Variants in SCFD2 observed in about 807,000 individuals in gnomAD.
The protein encoded by SCFD2 is sec1 family domain containing 2.
Under a neutral mutation model 58.9 loss-of-function variants are expected in SCFD2, and 54 were observed. The observed-to-expected ratio is 0.92, with a 90% CI of 0.74 to 1.15. The LOEUF (loss-of-function observed/expected upper bound fraction) is 1.15. Among genes scored for constraint, SCFD2 ranks in the 50% most tolerant of loss-of-function variants. The pLI is 0.00. For synonymous variants in SCFD2, 321 were observed against 335.9 expected (o/e 0.96, Z 0.49); for missense variants, 805 against 836.6 (o/e 0.96, Z 0.47).
chr4:53,177,694 C>T (rs1345674846), intron 4 of SCFD2, among the ~76,000 whole-genome samples: 6 of 152,086 alleles, frequency 3.9e-5, no homozygotes, highest in Non-Finnish European at 5.9e-5. Context: ...GCACCGTGTG[C>T]GAGCCAAGGC....
intron 4 of SCFD2, among the ~76,000 whole-genome samples, chr4:53,155,989 C>G (rs754817878): frequency 1.3e-5 from 2 of 152,134 alleles, no homozygotes; most frequent in Non-Finnish European, 2.9e-5. Flanking sequence ...ATAAAGGCAG[C>G]GGCTCCAAAC....
At chr4:52,953,574 TG>T (rs1364123761) in intron 5 of SCFD2, among the ~76,000 whole-genome samples, 1 of 152,202 alleles carries the variant, frequency 6.6e-6, no homozygotes, top group East Asian at 1.9e-4. Context: ...AGCAGCGCCC[TG>T]TGAATTCAGT....
rs79857719 is a variant in SCFD2, at chr4:52,914,500, A to G, written c.1707+6225T>C. ...AGCTGCGTGGACTGCTTCAAGCTTC[A>G]TGGATGGTCATAGGGACTACTCCAA... On this transcript the variant is annotated intron_variant, in intron 6 of 8. Coordinates refer to ENST00000401642, the MANE Select transcript of SCFD2 (RefSeq NM_152540.4). Among the ~76,000 whole-genome samples, 434 of 152,220 alleles carry G rather than the reference A, an allele frequency of 2.9e-3. 3 individuals are homozygous for G. Among genetic ancestry groups the G allele is most frequent in the African/African-American group, 0.01 (418 of 41,530 alleles).
At chr4:52,875,000 C>A (rs1389000982) in intron 8 of SCFD2, among the ~76,000 whole-genome samples, 1 of 152,154 alleles carries the variant, frequency 6.6e-6, no homozygotes, top group Non-Finnish European at 1.5e-5. Context: ...TCCATTTGAT[C>A]CTGATATTGA....
At chr4:53,238,356 G>C (rs1324021491) in intron 4 of SCFD2, among the ~76,000 whole-genome samples, 5 of 101,104 alleles carry the variant, frequency 4.9e-5, no homozygotes, top group African/African-American at 7.9e-5. Flanking sequence ...GGCGGGGGCT[G>C]ATGCCCCCAC....
chr4:53,069,596 C>T (rs1329539666), intron 5 of SCFD2, among the ~76,000 whole-genome samples: 1 of 151,986 alleles, frequency 6.6e-6, no homozygotes, highest in African/African-American at 2.4e-5. Flanking sequence ...AGAAAGAATG[C>T]TACTTTTGTT....
chr4:53,255,197 T>TTTTTTTTATTTA (rs1553892847), intron 4 of SCFD2, among the ~76,000 whole-genome samples: 18 of 140,680 alleles, frequency 1.3e-4, no homozygotes, highest in African/African-American at 4.4e-4. Flanking sequence ...TTTTTTTCTT[T>TTTTTTTTATTTA]TTTATTTATT....
intron 4 of SCFD2, among the ~76,000 whole-genome samples, chr4:53,252,376 A>T (rs1421514165): frequency 4.6e-5 from 7 of 151,066 alleles, no homozygotes; most frequent in Admixed American, 4.6e-4. Context: ...CAGAATTGGA[A>T]AAAACTACTT....
At chr4:53,231,448 G>A (rs1729436975) in intron 4 of SCFD2, among the ~76,000 whole-genome samples, 1 of 152,170 alleles carries the variant, frequency 6.6e-6, no homozygotes, top group Admixed American at 6.5e-5. Flanking sequence ...TCTCCATTTG[G>A]AGGTCATTTC....
intron 2 of SCFD2, among the ~76,000 whole-genome samples, chr4:53,335,775 G>C (rs923826495): frequency 6.6e-6 from 1 of 152,028 alleles, no homozygotes; most frequent in Non-Finnish European, 1.5e-5. Context: ...AAATATAAAA[G>C]TTGAGTATGT....
chr4:53,358,013 T>C (rs539174328), intron 1 of SCFD2, among the ~76,000 whole-genome samples: 2 of 152,352 alleles, frequency 1.3e-5, no homozygotes, highest in Admixed American at 6.5e-5. Flanking sequence ...ATAATTATAA[T>C]ACTTATCTCA....
At chr4:52,940,006 C>T (rs537894787) in intron 5 of SCFD2, among the ~76,000 whole-genome samples, 1 of 152,248 alleles carries the variant, frequency 6.6e-6, no homozygotes, top group Non-Finnish European at 1.5e-5. Context: ...CAAACCCAAG[C>T]AGGGAGCCTA....
At chr4:53,202,236 C>CTACA (rs1343991488) in intron 4 of SCFD2, among the ~76,000 whole-genome samples, 1 of 152,208 alleles carries the variant, frequency 6.6e-6, no homozygotes, top group African/African-American at 2.4e-5. Context: ...TTTCAGCTCT[C>CTACA]TACATATGGC....
At chr4:53,058,180 AT>A (rs1309666871) in intron 5 of SCFD2, among the ~76,000 whole-genome samples, 1 of 152,120 alleles carries the variant, frequency 6.6e-6, no homozygotes, top group Non-Finnish European at 1.5e-5. Flanking sequence ...AGAGGTGATA[AT>A]TTTATTATGT....
chr4:52,913,120 G>A (rs966157706), intron 6 of SCFD2, among the ~76,000 whole-genome samples: 2 of 151,948 alleles, frequency 1.3e-5, no homozygotes, highest in African/African-American at 4.8e-5. Context: ...TATATCTCTG[G>A]ATATCCAATG....
chr4:53,359,552 C>T (rs1734494026), intron 1 of SCFD2, among the ~76,000 whole-genome samples: 1 of 152,068 alleles, frequency 6.6e-6, no homozygotes, highest in South Asian at 2.1e-4. Context: ...AAGTGAAATC[C>T]CTGTCTTTAC....
intron 1 of SCFD2, among the ~76,000 whole-genome samples, chr4:53,362,207 CGAA>C (rs954631130): frequency 3.9e-5 from 6 of 152,006 alleles, no homozygotes; most frequent in Admixed American, 1.3e-4. Flanking sequence ...ATGGATACCT[CGAA>C]GAAGAACATC....
At chr4:52,964,749 G>C (rs1720923678) in intron 5 of SCFD2, among the ~76,000 whole-genome samples, 1 of 150,214 alleles carries the variant, frequency 6.7e-6, no homozygotes, top group South Asian at 2.1e-4. Flanking sequence ...GAATCTTTTG[G>C]TCTCAAACAC....
intron 4 of SCFD2, among the ~76,000 whole-genome samples, chr4:53,168,640 C>A (rs1304515957): frequency 6.6e-6 from 1 of 152,042 alleles, no homozygotes; most frequent in Non-Finnish European, 1.5e-5. Context: ...TATAGTTGTA[C>A]ATATTTATTG....
Sources: gnomAD v4.1 joint callset for allele counts (sites outside exome capture counted in the v4.1 genomes callset) on GRCh38, gnomAD v4.1.1 for gene constraint, MANE v1.5 for transcripts, NCBI Gene and HGNC (gene_info 2026-07-23, HGNC 2026-07-21) for gene names.